Variants in FILIP1 observed in about 807,000 individuals in gnomAD.
FILIP1 encodes the protein filamin-A-interacting protein 1.
A neutral mutation model predicts 102.1 loss-of-function variants in FILIP1; 61 were observed. The observed-to-expected ratio is 0.60, with a 90% CI of 0.49 to 0.74. The LOEUF (loss-of-function observed/expected upper bound fraction) is 0.74. FILIP1 is among the 30% of genes least tolerant of loss of function. The probability of loss-of-function intolerance (pLI) is 0.00; values close to 1 mark genes in which losing one functional copy is unlikely to be tolerated. For synonymous variants in FILIP1, 491 were observed against 526.9 expected, an observed-to-expected ratio of 0.93 and a Z score of 0.93; for missense variants, 1,314 against 1,441.2, an observed-to-expected ratio of 0.91 and a Z score of 1.43.
intron 1 of FILIP1, among the ~76,000 whole-genome samples, chr6:75,457,612 G>GTCTCTCTCTCTCTCTCTCTCTCTC (rs68150078): frequency 3.5e-5 from 5 of 142,732 alleles, no homozygotes; most frequent in African/African-American, 8.0e-5. Flanking sequence ...TTCAAACAAA[G>GTCTCTCTCTCTCTCTCTCTCTCTC]TCTCTCTCTC....
At chr6:75,409,097 A>G (rs1240162417) in intron 2 of FILIP1, among the ~76,000 whole-genome samples, 1 of 152,246 alleles carries the variant, frequency 6.6e-6, no homozygotes, top group African/African-American at 2.4e-5. Context: ...TGAGTTTACA[A>G]TGTGAGTCTA....
intron 1 of FILIP1, among the ~76,000 whole-genome samples, chr6:75,446,917 C>G (rs144063022): frequency 2.0e-5 from 3 of 152,272 alleles, no homozygotes; most frequent in Admixed American, 2.0e-4. Flanking sequence ...TGCCAAGAGT[C>G]TGCCCAATCA....
At chr6:75,390,587 T>C (rs1474650477) in intron 2 of FILIP1, among the ~76,000 whole-genome samples, 1 of 152,128 alleles carries the variant, frequency 6.6e-6, no homozygotes, top group Non-Finnish European at 1.5e-5. Context: ...ACTTTTTAAA[T>C]GACCAGATCT....
chr6:75,321,252 T>A (rs1425264780), intron 4 of FILIP1, among the ~76,000 whole-genome samples: 2 of 152,132 alleles, frequency 1.3e-5, no homozygotes, highest in Non-Finnish European at 2.9e-5. Context: ...TTTGTTTTTT[T>A]AAAGGAAAGG....
intron 1 of FILIP1, among the ~76,000 whole-genome samples, chr6:75,429,899 G>A (rs780752841): frequency 6.6e-6 from 1 of 152,160 alleles, no homozygotes; most frequent in Non-Finnish European, 1.5e-5. Context: ...AAGCACACCA[G>A]CACCATGCTG....
intron 1 of FILIP1, among the ~76,000 whole-genome samples, chr6:75,467,322 C>T (rs539691972): frequency 2.6e-4 from 40 of 152,182 alleles, no homozygotes; most frequent in Non-Finnish European, 5.3e-4. Context: ...GCAGAATCAT[C>T]ATCATACATA....
chr6:75,450,571 C>A (rs1392216900), intron 1 of FILIP1, among the ~76,000 whole-genome samples: 1 of 151,300 alleles, frequency 6.6e-6, no homozygotes, highest in Non-Finnish European at 1.5e-5. Context: ...ATTGCTTGAG[C>A]CCAGGAGTTT....
At chr6:75,457,978 C>T (rs1221078338) in intron 1 of FILIP1, among the ~76,000 whole-genome samples, 1 of 152,138 alleles carries the variant, frequency 6.6e-6, no homozygotes, top group African/African-American at 2.4e-5. Context: ...CACCACCTCA[C>T]CCACCCCACC....
At chr6:75,410,210 T>C (rs1055308663) in intron 2 of FILIP1, among the ~76,000 whole-genome samples, 1 of 152,132 alleles carries the variant, frequency 6.6e-6, no homozygotes, top group African/African-American at 2.4e-5. Context: ...TTTGGAGATC[T>C]GGGAGACAAC....
At chr6:75,421,136 C>G (rs1436730831) in intron 1 of FILIP1, among the ~76,000 whole-genome samples, 1 of 152,082 alleles carries the variant, frequency 6.6e-6, no homozygotes, top group Non-Finnish European at 1.5e-5. Context: ...TGAATTAAAA[C>G]TTGCATTTAT....
intron 1 of FILIP1, among the ~76,000 whole-genome samples, chr6:75,427,865 T>C (rs1777680183): frequency 6.6e-6 from 1 of 152,174 alleles, no homozygotes; most frequent in African/African-American, 2.4e-5. Context: ...TCAAGTTGGT[T>C]AAATTTAAAT....
chr6:75,310,871 A>G (rs1006923302), intron 5 of FILIP1, among the ~76,000 whole-genome samples: 1 of 152,238 alleles, frequency 6.6e-6, no homozygotes, highest in African/African-American at 2.4e-5. Flanking sequence ...TGGCAAAGCA[A>G]TTAGTAATTC....
intron 4 of FILIP1, among the ~76,000 whole-genome samples, chr6:75,335,662 T>C (rs1774219042): frequency 6.6e-6 from 1 of 152,200 alleles, no homozygotes; most frequent in Non-Finnish European, 1.5e-5. Flanking sequence ...GTTATGAAAT[T>C]TCATTTCAAT....
chr6:75,389,852 C>A (rs1015274934), intron 2 of FILIP1, among the ~76,000 whole-genome samples: 1 of 152,068 alleles, frequency 6.6e-6, no homozygotes, highest in Non-Finnish European at 1.5e-5. Flanking sequence ...TCCTGAGACT[C>A]TTCCACTGTG....
At chr6:75,389,446 G>A (rs774855338) in intron 2 of FILIP1, among the ~76,000 whole-genome samples, 11 of 152,118 alleles carry the variant, frequency 7.2e-5, no homozygotes, top group Non-Finnish European at 1.3e-4. Flanking sequence ...CAGAAGGAAT[G>A]GTACCAGCTT....
At chr6:75,488,039 C>A (rs998612176) in intron 1 of FILIP1, among the ~76,000 whole-genome samples, 3 of 152,004 alleles carry the variant, frequency 2.0e-5, no homozygotes, top group Non-Finnish European at 2.9e-5. Context: ...TTTAAAAATT[C>A]TTTTTAGTTT....
chr6:75,478,226 T>C (rs1157312945), intron 1 of FILIP1, among the ~76,000 whole-genome samples: 1 of 152,212 alleles, frequency 6.6e-6, no homozygotes, highest in Non-Finnish European at 1.5e-5. Flanking sequence ...TGCTTAGCTT[T>C]ACTCGGGGTA....
At chr6:75,442,356 G>A (rs57845474) in intron 1 of FILIP1, among the ~76,000 whole-genome samples, 3,550 of 152,232 alleles carry the variant, frequency 0.023, 156 homozygotes, top group African/African-American at 0.079. Flanking sequence ...CGGGGTGGCG[G>A]CCTGGCAGAG....
chr6:75,374,083 T>A (rs1477966440), intron 2 of FILIP1, among the ~76,000 whole-genome samples: 3 of 152,250 alleles, frequency 2.0e-5, no homozygotes, highest in African/African-American at 7.2e-5. Flanking sequence ...AATGTCACTG[T>A]CATCCACGGA....
Sources: gnomAD v4.1 joint callset for allele counts (sites outside exome capture counted in the v4.1 genomes callset) on GRCh38, gnomAD v4.1.1 for gene constraint, MANE v1.5 for transcripts, NCBI Gene and HGNC (gene_info 2026-07-23, HGNC 2026-07-21) for gene names.